The following PPP2R2B variants were observed in gnomAD, a reference collection of about 807,000 sequenced individuals.
PPP2R2B encodes the protein protein phosphatase 2 regulatory subunit Bbeta.
In PPP2R2B, 5 loss-of-function variants were observed where a neutral mutation model predicts 46.0. That is an observed-to-expected ratio of 0.11 (90% CI 0.06 to 0.23). The LOEUF is 0.23. PPP2R2B is among the 10% of genes least tolerant of loss of function. The pLI is 1.00. For synonymous variants in PPP2R2B, 215 were observed against 206.7 expected, an observed-to-expected ratio of 1.04 and a Z score of -0.34; for missense variants, 367 against 575.0, an observed-to-expected ratio of 0.64 and a Z score of 3.70.
intron 4 of PPP2R2B, among the ~76,000 whole-genome samples, chr5:146,694,033 G>A (rs1380171096): frequency 1.3e-5 from 2 of 152,070 alleles, no homozygotes; most frequent in South Asian, 2.1e-4. Flanking sequence ...GCCTTTGGGC[G>A]GACAGATCTT....
chr5:146,888,285 C>G (rs372338442), intron 1 of PPP2R2B, among the ~76,000 whole-genome samples: 16 of 152,156 alleles, frequency 1.1e-4, no homozygotes, highest in African/African-American at 3.4e-4. Context: ...GGGTATAAGG[C>G]ATCTCAATCC....
intron 2 of PPP2R2B, among the ~76,000 whole-genome samples, chr5:146,788,497 G>A (rs1391164003): frequency 2.0e-5 from 3 of 152,094 alleles, no homozygotes; most frequent in Admixed American, 6.5e-5. Flanking sequence ...TTGGGAGGCC[G>A]AGGTGGGCAG....
intron 2 of PPP2R2B, among the ~76,000 whole-genome samples, chr5:147,080,115 C>G (rs1165528214): frequency 6.6e-6 from 1 of 152,100 alleles, no homozygotes; most frequent in Non-Finnish European, 1.5e-5. Context: ...AAATAAACTG[C>G]CTCTTTCAAA....
intron 4 of PPP2R2B, 82 bp from the exon 5 acceptor site, chr5:146,691,322 G>A: frequency 8.9e-7 from 1 of 1,120,170 alleles, no homozygotes; most frequent in Non-Finnish European, 1.3e-6. Context: ...AATGGGGAGA[G>A]GAAGAGGTAA....
intron 2 of PPP2R2B, among the ~76,000 whole-genome samples, chr5:146,827,709 G>A (rs138086453): frequency 6.6e-6 from 1 of 152,104 alleles, no homozygotes; most frequent in East Asian, 1.9e-4. Context: ...ATAAAGTATC[G>A]ACTCCATGCA....
intron 2 of PPP2R2B, among the ~76,000 whole-genome samples, chr5:147,067,250 T>C (rs1254490101): frequency 6.6e-6 from 1 of 152,210 alleles, no homozygotes; most frequent in African/African-American, 2.4e-5. Context: ...AGTTACCATG[T>C]TGTACAGTAC....
upstream of PPP2R2B, among the ~76,000 whole-genome samples, chr5:146,882,121 C>G (rs551009744): frequency 1.5e-3 from 229 of 151,920 alleles, 1 homozygote; most frequent in African/African-American, 5.4e-3. Flanking sequence ...ACTAAAAATA[C>G]AAAAAATTAC....
chr5:146,832,832 T>C (rs1759043637), intron 2 of PPP2R2B, among the ~76,000 whole-genome samples: 1 of 152,112 alleles, frequency 6.6e-6, no homozygotes, highest in Non-Finnish European at 1.5e-5. Context: ...CAATAGCCTA[T>C]ACCATATAGC....
rs373226291 is a variant in PPP2R2B at position 146,906,471 on chromosome 5, C to T, written c.79+149194G>A. Among the ~76,000 whole-genome samples the T allele has an allele frequency of 5.3e-3, 806 of 152,152 alleles. 5 individuals carry two copies. Among genetic ancestry groups the T allele is most frequent in the African/African-American group, 0.018 (760 of 41,518 alleles). ...CCTAGTAGCTGGGATTACAGGCATG[C>T]GCCACCACGCCCAGCTAATTTTGCA... is the stretch of plus-strand genomic sequence containing the variant. On this transcript the variant is annotated intron_variant, in intron 1 of 8. Coordinates refer to the PPP2R2B transcript ENST00000336640.
chr5:146,631,333 C>T (rs1363948981), intron 7 of PPP2R2B, among the ~76,000 whole-genome samples: 1 of 152,240 alleles, frequency 6.6e-6, no homozygotes, highest in South Asian at 2.1e-4. Context: ...TTCATGGCCC[C>T]TGACCTCATC....
intron 2 of PPP2R2B, among the ~76,000 whole-genome samples, chr5:146,863,037 T>TG (rs1761101076): frequency 6.6e-6 from 1 of 151,862 alleles, no homozygotes; most frequent in South Asian, 2.1e-4. Context: ...CTTTTGCTTT[T>TG]TTTTTTTTCC....
At chr5:146,634,631 G>A (rs999315222) in intron 7 of PPP2R2B, among the ~76,000 whole-genome samples, 6 of 152,046 alleles carry the variant, frequency 3.9e-5, no homozygotes, top group South Asian at 2.1e-4. Context: ...CACTGAGGCC[G>A]GTCTCTGATG....
upstream of PPP2R2B, among the ~76,000 whole-genome samples, chr5:147,058,463 A>G (rs1046714403): frequency 6.6e-6 from 1 of 152,206 alleles, no homozygotes; most frequent in Non-Finnish European, 1.5e-5. Flanking sequence ...GATGCTGGCC[A>G]TAGCTATCCT....
chr5:146,702,818 A>C (rs1448927730), intron 2 of PPP2R2B, among the ~76,000 whole-genome samples: 1 of 152,202 alleles, frequency 6.6e-6, no homozygotes, highest in Non-Finnish European at 1.5e-5. Context: ...GATGCTCTTA[A>C]CTAGAAATCT....
chr5:146,852,765 G>T (rs1760424446), intron 2 of PPP2R2B, among the ~76,000 whole-genome samples: 1 of 152,082 alleles, frequency 6.6e-6, no homozygotes, highest in South Asian at 2.1e-4. Flanking sequence ...CAATACGATG[G>T]CTGATTAGAG....
At chr5:147,014,929 C>T (rs1056450029) in intron 1 of PPP2R2B, among the ~76,000 whole-genome samples, 5 of 151,884 alleles carry the variant, frequency 3.3e-5, no homozygotes, top group Non-Finnish European at 5.9e-5. Context: ...ATTTCATAGA[C>T]TGGGTCCTAT....
chr5:146,602,981 CT>C (rs1771929356), intron 7 of PPP2R2B, among the ~76,000 whole-genome samples: 1 of 152,126 alleles, frequency 6.6e-6, no homozygotes, highest in Non-Finnish European at 1.5e-5. Flanking sequence ...AGTAAAACAC[CT>C]GATCCAGAGG....
rs185634335 is a variant in PPP2R2B, at chr5:146,723,953, G to A, written c.71-22811C>T. Among the ~76,000 whole-genome samples the A allele has an allele frequency of 1.7e-3, 262 of 151,992 alleles. 1 individual carries two copies. Among genetic ancestry groups the A allele is most frequent in the Non-Finnish European group, 2.9e-3 (198 of 67,982 alleles). On this transcript the variant is annotated intron_variant, in intron 2 of 9. Transcript: ENST00000394411. ...ACTATTTTGTCTGTTTCATTCATTC[G>A]TGCCAACATTTCCTGAGGACTGTAA...
At chr5:146,803,076 T>C (rs1025799259) in intron 2 of PPP2R2B, among the ~76,000 whole-genome samples, 2 of 152,228 alleles carry the variant, frequency 1.3e-5, no homozygotes, top group African/African-American at 4.8e-5. Flanking sequence ...TCCCTTCATA[T>C]GCTCCAAATG....
Sources: gnomAD v4.1 joint callset for allele counts (sites outside exome capture counted in the v4.1 genomes callset) on GRCh38, gnomAD v4.1.1 for gene constraint, MANE v1.5 for transcripts, NCBI Gene and HGNC (gene_info 2026-07-23, HGNC 2026-07-21) for gene names.